The following RGL1 variants were observed in gnomAD, a reference collection of about 807,000 sequenced individuals.
RGL1 encodes the protein ral guanine nucleotide dissociation stimulator-like 1.
In RGL1, 24 loss-of-function variants were observed where a neutral mutation model predicts 95.2. That is an observed-to-expected ratio of 0.25 (90% CI 0.18 to 0.35). The LOEUF (loss-of-function observed/expected upper bound fraction) is 0.35. RGL1 is among the 10% of genes least tolerant of loss of function. The pLI, the probability that RGL1 is intolerant of heterozygous loss-of-function variation, is 1.00. For synonymous variants in RGL1, 329 were observed against 344.9 expected (o/e 0.95, Z 0.51); for missense variants, 715 against 936.3 (o/e 0.76, Z 3.08).
intron 2 of RGL1, among the ~76,000 whole-genome samples, chr1:183,745,893 A>G (rs997919040): frequency 2.0e-5 from 3 of 152,066 alleles, no homozygotes; most frequent in Non-Finnish European, 4.4e-5. Flanking sequence ...TTCAATGGCT[A>G]TCTTGTCTTC....
chr1:183,791,337 T>C (rs2102378778), intron 2 of RGL1, among the ~76,000 whole-genome samples: 1 of 152,380 alleles, frequency 6.6e-6, no homozygotes, highest in Non-Finnish European at 1.5e-5. Flanking sequence ...CACTTTTCTT[T>C]GTGTTTTGGT....
At chr1:183,650,772 G>A (rs186551189) in intron 1 of RGL1, among the ~76,000 whole-genome samples, 151 of 148,942 alleles carry the variant, frequency 1.0e-3, no homozygotes, top group African/African-American at 3.5e-3. Context: ...TTGTCAAATC[G>A]CTTCCTAGGA....
intron 1 of RGL1, among the ~76,000 whole-genome samples, chr1:183,805,971 CTT>C (rs751229707): frequency 2.5e-4 from 19 of 74,598 alleles, no homozygotes; most frequent in South Asian, 1.2e-3. Flanking sequence ...CTTTTCTTTT[CTT>C]TTTTTTTTTT....
chr1:183,907,782 G>A (rs1668421898), intron 14 of RGL1, among the ~76,000 whole-genome samples: 1 of 152,108 alleles, frequency 6.6e-6, no homozygotes, highest in Non-Finnish European at 1.5e-5. Flanking sequence ...CTGAGGCCAG[G>A]AGTTTGAGAC....
chr1:183,658,919 C>T (rs1651399954), intron 1 of RGL1, among the ~76,000 whole-genome samples: 1 of 151,794 alleles, frequency 6.6e-6, no homozygotes, highest in Non-Finnish European at 1.5e-5. Context: ...TGTTCTGCAG[C>T]CACCGCTGCT....
At chr1:183,867,634 G>C (rs1403828833) in intron 4 of RGL1, among the ~76,000 whole-genome samples, 3 of 151,552 alleles carry the variant, frequency 2.0e-5, no homozygotes, top group African/African-American at 7.3e-5. Flanking sequence ...TTTTTTTTTG[G>C]TTGTATATGT....
intron 1 of RGL1, among the ~76,000 whole-genome samples, chr1:183,689,559 T>G (rs985349689): frequency 3.9e-5 from 6 of 152,230 alleles, no homozygotes; most frequent in Admixed American, 6.5e-5. Flanking sequence ...ACTCTGTTAT[T>G]GCATGTAACA....
rs144044448 is a variant in RGL1 at position 183,903,451 on chromosome 1, A to T, written c.1350+851A>T. Among the ~76,000 whole-genome samples, 1,066 of 152,338 alleles carry T rather than the reference A, an allele frequency of 7.0e-3. 14 individuals carry two copies. The highest frequency in any genetic ancestry group is 0.021 in the African/African-American group (885 of 41,574). ...AAATGGCATATTTAAATAGATATTT[A>T]AAAGACTCAAAGGAAAATGAGTGAG... On this transcript the variant is annotated intron_variant, in intron 12 of 17. Coordinates refer to ENST00000360851, the MANE Select transcript of RGL1 (RefSeq NM_001297671.3).
intron 2 of RGL1, among the ~76,000 whole-genome samples, chr1:183,799,827 A>G (rs954911600): frequency 5.3e-5 from 8 of 152,234 alleles, no homozygotes; most frequent in Non-Finnish European, 1.2e-4. Context: ...TTGCCCAGGT[A>G]AAAGTATAAA....
intron 1 of RGL1, among the ~76,000 whole-genome samples, chr1:183,711,865 A>G (rs1014916992): frequency 6.6e-6 from 1 of 152,180 alleles, no homozygotes; most frequent in Non-Finnish European, 1.5e-5. Context: ...GCAAATAGAT[A>G]CTATTACAAG....
At position 183,727,532 on chromosome 1, in the gene RGL1, C is replaced by G. The variant is rs1033190919; in HGVS notation, c.-32-14594C>G. Among the ~76,000 whole-genome samples, 6 of 152,116 alleles carry G rather than the reference C, an allele frequency of 3.9e-5. No individual in the cohort carries two copies. The East Asian group carries it at 1.2e-3, about 29-fold the overall frequency. ...AGTATTTAACCTGAGTGCTTTTGCC[C>G]TAAGATCAAGTAGACAAGGATGGTC... On this transcript the variant is annotated intron_variant, in intron 1 of 18. Coordinates refer to the RGL1 transcript ENST00000304685.
At chr1:183,651,043 C>T (rs16861402) in intron 1 of RGL1, among the ~76,000 whole-genome samples, 12,417 of 152,136 alleles carry the variant, frequency 0.082, 998 homozygotes, top group African/African-American at 0.21. Context: ...GCCACATTTG[C>T]TGCTAATATT....
chr1:183,804,008 T>C (rs539347936), upstream of RGL1, among the ~76,000 whole-genome samples: 1 of 152,344 alleles, frequency 6.6e-6, no homozygotes, highest in East Asian at 1.9e-4. Context: ...ATAACCTGGC[T>C]GAATGACTTG....
intron 2 of RGL1, among the ~76,000 whole-genome samples, chr1:183,757,021 GT>G (rs11344065): frequency 0.45 from 34,691 of 77,202 alleles, 5,257 homozygotes; most frequent in African/African-American, 0.58. Context: ...TGGTTTGTTT[GT>G]TTTTTTTTTT....
intron 14 of RGL1, 127 bp downstream of exon 14, chr1:183,907,228 G>A (rs758282067): frequency 3.9e-5 from 25 of 645,832 alleles, no homozygotes; most frequent in Non-Finnish European, 6.2e-5. Flanking sequence ...TTGTTAAGCC[G>A]TTTATCCTTC....
At chr1:183,820,564 AG>A (rs1216073169) in intron 2 of RGL1, among the ~76,000 whole-genome samples, 1 of 152,056 alleles carries the variant, frequency 6.6e-6, no homozygotes, top group Non-Finnish European at 1.5e-5. Context: ...TTCTGCTTCT[AG>A]ACATCATTGC....
chr1:183,897,780 T>A (rs1558280281), intron 9 of RGL1, 28 bp from the exon 10 acceptor site: 2 of 1,549,590 alleles, frequency 1.3e-6, no homozygotes, highest in South Asian at 1.1e-5. Flanking sequence ...CTGTATCAAT[T>A]CCCTCTGTGT....
At chr1:183,796,696 A>G (rs1034459992) in intron 2 of RGL1, among the ~76,000 whole-genome samples, 6 of 152,126 alleles carry the variant, frequency 3.9e-5, no homozygotes, top group Non-Finnish European at 5.9e-5. Flanking sequence ...CACTATTATG[A>G]AAAAGGAGAT....
chr1:183,743,691 GT>G (rs1375264082), intron 2 of RGL1, among the ~76,000 whole-genome samples: 2 of 152,198 alleles, frequency 1.3e-5, no homozygotes, highest in Non-Finnish European at 2.9e-5. Context: ...AATTTAAAAT[GT>G]TTAGCACACA....
Sources: allele counts gnomAD v4.1 joint callset (sites outside exome capture counted in the v4.1 genomes callset), GRCh38; gene constraint gnomAD v4.1.1; transcripts MANE v1.5; gene names NCBI Gene and HGNC (gene_info 2026-07-23, HGNC 2026-07-21).